Variants in AGAP1 observed in about 807,000 individuals in gnomAD.
AGAP1 encodes the protein ArfGAP with GTPase domain, ankyrin repeat and PH domain 1, also known as arf-GAP with GTPase, ANK repeat and PH domain-containing protein 1.
A neutral mutation model predicts 105.3 loss-of-function variants in AGAP1; 29 were observed. The ratio of observed to expected loss-of-function variants is 0.28; its 90% CI spans 0.21 to 0.38. The LOEUF (loss-of-function observed/expected upper bound fraction) is 0.38. AGAP1 is among the 10% of genes least tolerant of loss of function. AGAP1 has a pLI of 1.00. For missense variants in AGAP1, 998 were observed against 1,165.1 expected, an observed-to-expected ratio of 0.86 and a Z score of 2.09; for synonymous variants, 509 against 485.9, an observed-to-expected ratio of 1.05 and a Z score of -0.63.
chr2:236,094,408 A>G (rs549675861), intron 16 of AGAP1, among the ~76,000 whole-genome samples: 2 of 149,336 alleles, frequency 1.3e-5, no homozygotes, highest in African/African-American at 5.0e-5. Context: ...GCTGGAGTGC[A>G]TGGCTCAATC....
chr2:236,013,979 A>G (rs2056606864), intron 13 of AGAP1, among the ~76,000 whole-genome samples: 1 of 152,126 alleles, frequency 6.6e-6, no homozygotes, highest in South Asian at 2.1e-4. Context: ...GGTGGGGTGG[A>G]GAATGTGTCT....
At position 235,977,378 on chromosome 2, in the gene AGAP1, G is replaced by A. The variant is rs1204287903; in HGVS notation, c.1645+8755G>A. Among the ~76,000 whole-genome samples the A allele has an allele frequency of 2.0e-5, 3 of 151,996 alleles. No individual in the cohort carries two copies. Among genetic ancestry groups the A allele is most frequent in the Non-Finnish European group, 4.4e-5 (3 of 67,992 alleles). ...AGCCAGAAGAGGGGCTGGTTCTAGC[G>A]GCCAGTGCTGTTCAACTTGTGTCTT... On this transcript the variant is annotated intron_variant, in intron 13 of 17. Coordinates refer to ENST00000304032, the MANE Select transcript of AGAP1 (RefSeq NM_001037131.3). This position sits in a 1 kb window ranked among gnomAD's most constrained non-coding sequence, Gnocchi z 5.2.
At chr2:235,748,516 G>T (rs1486818944) in intron 5 of AGAP1, among the ~76,000 whole-genome samples, 2 of 152,180 alleles carry the variant, frequency 1.3e-5, no homozygotes, top group African/African-American at 4.8e-5. Context: ...CCCTTTGACC[G>T]TATCCCTGGA....
chr2:236,103,044 A>G (rs1212885925), intron 16 of AGAP1, among the ~76,000 whole-genome samples: 2 of 105,004 alleles, frequency 1.9e-5, no homozygotes, highest in Non-Finnish European at 3.5e-5. Context: ...TGGGTGCCAC[A>G]TCTCCAGGGC....
At chr2:235,828,768 G>A (rs1959176717) in intron 9 of AGAP1, among the ~76,000 whole-genome samples, 1 of 152,194 alleles carries the variant, frequency 6.6e-6, no homozygotes, top group Non-Finnish European at 1.5e-5. Flanking sequence ...CGGATGTCAT[G>A]AGATGTCCCT....
chr2:235,968,383 C>A, intron 12 of AGAP1, 79 bp from the exon 13 acceptor site: 2 of 1,503,120 alleles, frequency 1.3e-6, no homozygotes, highest in Non-Finnish European at 1.8e-6. Flanking sequence ...CGTGGCTGTG[C>A]TGTTTCTGCG....
intron 5 of AGAP1, among the ~76,000 whole-genome samples, chr2:235,748,812 C>G (rs1050393359): frequency 6.6e-6 from 1 of 152,134 alleles, no homozygotes; most frequent in Non-Finnish European, 1.5e-5. Flanking sequence ...ATTTCTTTGA[C>G]TGGTGGAGAA....
intron 2 of AGAP1, among the ~76,000 whole-genome samples, chr2:235,711,832 G>A (rs187263521): frequency 6.6e-6 from 1 of 152,272 alleles, no homozygotes; most frequent in Non-Finnish European, 1.5e-5. Flanking sequence ...AGGACAGGTG[G>A]CACTTTAGGT....
At position 235,868,650 on chromosome 2, in the gene AGAP1, A is replaced by G. The variant is rs80077983; in HGVS notation, c.1051-14695A>G. Among the ~76,000 whole-genome samples, 578 of 152,338 alleles carry G rather than the reference A, an allele frequency of 3.8e-3. 6 individuals carry two copies. The highest frequency in any genetic ancestry group is 0.013 in the African/African-American group (555 of 41,572). ...AGACCCCCAGTCTCTAATGCAGTCA[A>G]TAAATCTTTGTTGGTAAATAATTGC... On this transcript the variant is annotated intron_variant, in intron 9 of 17. Transcript: ENST00000304032.
rs550460881 is a variant in AGAP1, at chr2:235,613,884, G to A, written c.164-95295G>A. ...AGCATATAGTGGCGCCGTGTGGCCCGCAGGGTGGCCTTGTCCATCTGCTGT... is the reference window on the plus strand; with the variant it reads ...AGCATATAGTGGCGCCGTGTGGCCCACAGGGTGGCCTTGTCCATCTGCTGT... On this transcript the variant is annotated intron_variant, in intron 1 of 17. Transcript: ENST00000304032. 8.3e-4 allele frequency among the ~76,000 whole-genome samples: 127 copies of A among 152,348 alleles called. 1 individual carries two copies. Among genetic ancestry groups the A allele is most frequent in the African/African-American group, 2.6e-3 (108 of 41,584 alleles).
intron 1 of AGAP1, among the ~76,000 whole-genome samples, chr2:235,570,252 G>T (rs879767365): frequency 3.3e-4 from 50 of 152,284 alleles, no homozygotes; most frequent in Non-Finnish European, 5.6e-4. Flanking sequence ...AGCAGTCCCC[G>T]GCTAGCGGCT....
intron 1 of AGAP1, among the ~76,000 whole-genome samples, chr2:235,668,092 T>G (rs536318310): frequency 1.3e-5 from 2 of 151,756 alleles, no homozygotes; most frequent in East Asian, 3.9e-4. Context: ...AGAGTTTGAG[T>G]AGCAGGTAGG....
rs2059478232 is a variant in AGAP1, at chr2:236,105,935, C to G, written c.2115-14257C>G. 6.6e-6 allele frequency among the ~76,000 whole-genome samples: 1 copy of G among 152,144 alleles called. No homozygotes were observed. The highest frequency in any genetic ancestry group is 1.5e-5 in the Non-Finnish European group (1 of 68,036). ...TTCTTATAAGAGTGAGAATCCCATT[C>G]ATGGGAGTCTACTCTCCTGACCTAA... On this transcript the variant is annotated intron_variant, in intron 16 of 17. Transcript: ENST00000304032. This position sits in a 1 kb window ranked among gnomAD's most constrained non-coding sequence, Gnocchi z 4.2.
rs1285229675 is a variant in AGAP1, at chr2:235,633,113, G to T, written c.164-76066G>T. On this transcript the variant is annotated intron_variant, in intron 1 of 17. Transcript: ENST00000304032. The surrounding 1 kb of genome is among the most constrained non-coding windows in gnomAD (Gnocchi z 4.8). ...TGATCCCTTTCTTCTCCATCATAAGGGTCATGGCCCACATCCCTGTAACAA... is the reference window on the plus strand; with the variant it reads ...TGATCCCTTTCTTCTCCATCATAAGTGTCATGGCCCACATCCCTGTAACAA... Among the ~76,000 whole-genome samples, 1 of 151,998 alleles carries T rather than the reference G, an allele frequency of 6.6e-6. No individual in the cohort carries two copies. The highest frequency in any genetic ancestry group is 1.5e-5 in the Non-Finnish European group (1 of 68,010).
chr2:235,547,879 A>G (rs1943678422), intron 1 of AGAP1, among the ~76,000 whole-genome samples: 1 of 152,178 alleles, frequency 6.6e-6, no homozygotes, highest in South Asian at 2.1e-4. Flanking sequence ...GAACTTGGTA[A>G]TGGAGGCAAC....
intron 9 of AGAP1, among the ~76,000 whole-genome samples, chr2:235,839,946 A>G (rs911132189): frequency 6.6e-5 from 10 of 152,368 alleles, no homozygotes; most frequent in Middle Eastern, 3.4e-3. Context: ...GAGAAAGTCA[A>G]TGAAGGGAGG....
In AGAP1 at chr2:235,703,728, C is replaced by T. The variant is rs575652097; in HGVS notation, c.164-5451C>T. ...TTCTCCTGCCTTAGCCTCCAAGTAC[C>T]TGGGATTACAGGCACCTGCCACCAT... On this transcript the variant is annotated intron_variant, in intron 1 of 17. Transcript: ENST00000304032. Among the ~76,000 whole-genome samples the T allele has an allele frequency of 2.6e-5, 4 of 152,176 alleles. No individual in the cohort carries two copies. The South Asian group carries it at 8.3e-4, about 32-fold the overall frequency.
At chr2:235,748,658 TGAGAAAA>T (rs764238315) in intron 5 of AGAP1, among the ~76,000 whole-genome samples, 8 of 152,100 alleles carry the variant, frequency 5.3e-5, no homozygotes, top group South Asian at 4.2e-4. Flanking sequence ...GAAAATAACA[TGAGAAAA>T]GAGAAAAGAA....
Position 235,596,254 on chromosome 2 carries a change from G to C in AGAP1, c.163+101405G>C, listed in dbSNP as rs1945522414. On this transcript the variant is annotated intron_variant, in intron 1 of 17. Coordinates refer to ENST00000304032, the MANE Select transcript of AGAP1 (RefSeq NM_001037131.3). The surrounding 1 kb of genome is among the most constrained non-coding windows in gnomAD (Gnocchi z 5.9). ...ACCCGGCCATGGATGTGTATTCACTGTTATTTAACAGATGCTCAAACTAGA... is the reference window on the plus strand; with the variant it reads ...ACCCGGCCATGGATGTGTATTCACTCTTATTTAACAGATGCTCAAACTAGA... Among the ~76,000 whole-genome samples, 1 of 152,220 alleles carries C rather than the reference G, an allele frequency of 6.6e-6. No individual in the cohort carries two copies. The highest frequency in any genetic ancestry group is 6.5e-5 in the Admixed American group (1 of 15,282).
Sources: allele counts gnomAD v4.1 joint callset (sites outside exome capture counted in the v4.1 genomes callset), GRCh38; gene constraint gnomAD v4.1.1; non-coding constraint Gnocchi (gnomAD v3.1); transcripts MANE v1.5; gene names NCBI Gene and HGNC (gene_info 2026-07-23, HGNC 2026-07-21).